The following RSPH14 variants were observed in gnomAD, a reference collection of about 807,000 sequenced individuals.
The protein encoded by RSPH14 is rhabdoid tumor deletion region gene 1.
A neutral mutation model predicts 26.7 loss-of-function variants in RSPH14; 20 were observed. That is an observed-to-expected ratio of 0.75 (90% CI 0.53 to 1.09). The LOEUF (loss-of-function observed/expected upper bound fraction) is 1.09, where lower values mean the gene tolerates loss of function less well. Ranked by LOEUF, RSPH14 falls within the 50% of genes least tolerant of loss-of-function variation. The probability of loss-of-function intolerance (pLI) is 0.00; values close to 1 mark genes in which losing one functional copy is unlikely to be tolerated. For synonymous variants in RSPH14, 177 were observed against 189.3 expected, an observed-to-expected ratio of 0.93 and a Z score of 0.53; for missense variants, 449 against 457.2, an observed-to-expected ratio of 0.98 and a Z score of 0.16.
the RSPH14 span, chr22:23,162,237 G>T: frequency 5.3e-4 from 112 of 211,724 alleles, 1 homozygote; most frequent in African/African-American, 2.5e-3. Context: ...GCACCTCTGA[G>T]ATCCCTAGGT....
chr22:23,164,921 G>A, the RSPH14 span, among the ~76,000 whole-genome samples: 1 of 128,572 alleles, frequency 7.8e-6, no homozygotes, highest in Non-Finnish European at 1.6e-5. Context: ...ACAGGCCCCT[G>A]TGCTCCAGTT....
At chr22:23,161,606 G>A in the RSPH14 span, 290 of 1,503,494 alleles carry the variant, frequency 1.9e-4, no homozygotes, top group African/African-American at 3.2e-3. Context: ...GCACACACAC[G>A]GACAGGAATT....
At chr22:23,093,271 C>T (rs1162281430) in intron 4 of RSPH14, among the ~76,000 whole-genome samples, 2 of 152,178 alleles carry the variant, frequency 1.3e-5, no homozygotes, top group African/African-American at 4.8e-5. Flanking sequence ...GTTTCTAGGG[C>T]GTTCCCTGGT....
At chr22:23,160,779 G>A in the RSPH14 span, 11 of 1,512,094 alleles carry the variant, frequency 7.3e-6, no homozygotes, top group South Asian at 5.0e-5. Flanking sequence ...AAAGGGCTAC[G>A]TGCCAACCTG....
chr22:23,130,111 GAAAGA>G (rs2070302767), intron 4 of RSPH14, among the ~76,000 whole-genome samples: 1 of 96,524 alleles, frequency 1.0e-5, no homozygotes, highest in South Asian at 3.3e-4. Flanking sequence ...AAGAAAGAAA[GAAAGA>G]AAGAAAGAAA....
At chr22:23,130,125 AAGAAAGAAAGAAAGAAAG>A in intron 4 of RSPH14, among the ~76,000 whole-genome samples, 1 of 107,780 alleles carries the variant, frequency 9.3e-6, no homozygotes, top group Non-Finnish European at 2.1e-5. Flanking sequence ...GAAAGAAAGA[AAGAAAGAAAGAAAGAAAG>A]AAAGAAAGAA....
At chr22:23,083,157 C>A (rs1473933465) in intron 4 of RSPH14, among the ~76,000 whole-genome samples, 1 of 152,024 alleles carries the variant, frequency 6.6e-6, no homozygotes, top group East Asian at 1.9e-4. Flanking sequence ...GGCTAGCCTG[C>A]AGCTCGGAGA....
chr22:23,172,076 G>T, the RSPH14 span, among the ~76,000 whole-genome samples: 1 of 152,172 alleles, frequency 6.6e-6, no homozygotes, highest in African/African-American at 2.4e-5. Context: ...GTAAGAATAA[G>T]ACATACAAAT....
At chr22:23,068,171 T>C (rs78556717) in intron 4 of RSPH14, among the ~76,000 whole-genome samples, 4,657 of 152,330 alleles carry the variant, frequency 0.031, 257 homozygotes, top group African/African-American at 0.11. Flanking sequence ...TGCTCCTTCA[T>C]GTCCTGCACC....
the RSPH14 span, among the ~76,000 whole-genome samples, chr22:23,166,952 G>A: frequency 1.3e-5 from 2 of 152,110 alleles, no homozygotes; most frequent in Non-Finnish European, 2.9e-5. Flanking sequence ...TATGCAGTGA[G>A]GTGCTCTGGA....
chr22:23,064,212 G>C, intron 4 of RSPH14, 79 bp from the exon 5 acceptor site: 15 of 1,348,876 alleles, frequency 1.1e-5, no homozygotes, highest in Non-Finnish European at 1.5e-5. Context: ...CAGGGCTCAA[G>C]GAGGGTCTTG....
chr22:23,180,710 G>A, the RSPH14 span: 3 of 149,670 alleles, frequency 2.0e-5, no homozygotes, highest in African/African-American at 7.3e-5. Flanking sequence ...CTCGCCGTGC[G>A]GAGGAGCCCC....
At chr22:23,089,509 G>T (rs990881316) in intron 4 of RSPH14, among the ~76,000 whole-genome samples, 2 of 152,148 alleles carry the variant, frequency 1.3e-5, no homozygotes, top group African/African-American at 4.8e-5. Context: ...GTGGTTCCTA[G>T]AGTGGAGGGC....
intron 4 of RSPH14, among the ~76,000 whole-genome samples, chr22:23,086,005 C>T (rs774052544): frequency 4.6e-5 from 7 of 152,276 alleles, no homozygotes; most frequent in African/African-American, 1.4e-4. Flanking sequence ...CCTGGCCCCT[C>T]GGCAGGGTCC....
intron 4 of RSPH14, among the ~76,000 whole-genome samples, chr22:23,104,250 G>T (rs555441471): frequency 6.6e-6 from 1 of 152,304 alleles, no homozygotes; most frequent in South Asian, 2.1e-4. Flanking sequence ...GGGCAAGGTC[G>T]CAGGCACAGT....
chr22:23,084,384 TTCTGA>T (rs2068760656), intron 4 of RSPH14, among the ~76,000 whole-genome samples: 1 of 152,200 alleles, frequency 6.6e-6, no homozygotes, highest in African/African-American at 2.4e-5. Context: ...AATGTAAGTG[TTCTGA>T]GCACATTTAA....
At chr22:23,167,715 T>A in the RSPH14 span, among the ~76,000 whole-genome samples, 68,898 of 150,524 alleles carry the variant, frequency 0.46, 16,035 homozygotes, top group East Asian at 0.64. Flanking sequence ...TAATTTATTT[T>A]TTTTTTTAAG....
At chr22:23,066,350 C>T (rs1485429617) in intron 4 of RSPH14, among the ~76,000 whole-genome samples, 1 of 152,076 alleles carries the variant, frequency 6.6e-6, no homozygotes, top group Non-Finnish European at 1.5e-5. Flanking sequence ...AGGTGATCAC[C>T]TCCATTACCC....
chr22:23,061,803 C>T lies in RSPH14; in HGVS notation c.790+6G>A. 92 of 1,613,928 alleles carry T rather than the reference C, an allele frequency of 5.7e-5. No individual in the cohort carries two copies. Among genetic ancestry groups the T allele is most frequent in the Non-Finnish European group, 7.8e-5 (92 of 1,179,996 alleles). On this transcript the variant is annotated splice_donor_region_variant and intron_variant, in intron 6 of 6. Coordinates refer to ENST00000216036, the MANE Select transcript of RSPH14 (RefSeq NM_014433.3). ...TCCCTCCCTGCGGCACCCCCCACCG[C>T]CTCACCTTCAGTGATCACTGTGGCG...
Sources: allele counts gnomAD v4.1 joint callset (sites outside exome capture counted in the v4.1 genomes callset), GRCh38; gene constraint gnomAD v4.1.1; transcripts MANE v1.5; gene names NCBI Gene and HGNC (gene_info 2026-07-23, HGNC 2026-07-21).